DTWD2: variants seen among roughly 807,000 people sequenced by gnomAD.
DTWD2 encodes the protein DTW motif tRNA-uridine aminocarboxypropyltransferase 2.
Under a neutral mutation model 31.8 loss-of-function variants are expected in DTWD2, and 39 were observed. The ratio of observed to expected loss-of-function variants is 1.22; its 90% CI spans 0.95 to 1.60. DTWD2 has a LOEUF of 1.60. DTWD2 is among the 40% of genes most tolerant of loss of function. The pLI is 0.00. For missense variants in DTWD2, 515 were observed against 381.5 expected (o/e 1.35, Z -2.92); for synonymous variants, 180 against 142.8 (o/e 1.26, Z -1.86).
intron 1 of DTWD2, among the ~76,000 whole-genome samples, chr5:118,956,727 T>C (rs936594587): frequency 6.6e-6 from 1 of 152,174 alleles, no homozygotes; most frequent in Non-Finnish European, 1.5e-5. Flanking sequence ...CAAAAGCAAA[T>C]GTGGAACCCA....
rs1227198002 is a variant in DTWD2 at position 118,988,380 on chromosome 5, G to C, written c.132C>G (p.Gly44=). 7.6e-6 allele frequency: 12 copies of C among 1,583,158 alleles called. No homozygotes were observed. The highest frequency in any genetic ancestry group is 9.4e-6 in the Non-Finnish European group (11 of 1,167,412). The stretch of plus-strand genomic sequence containing the variant: ...CCGCACTGTCGTCGTCCGCCTCTGC[G>C]CCCAGGGCAGCCGCCGCCGGCACTG... The part of the protein sequence containing the change: ...GGAVPAAAAL[G]AEADDDSADG... The change falls in exon 1 of 6, where the codon GGC becomes GGG. Residue 44 remains glycine (G), a synonymous_variant. Coordinates refer to ENST00000510708, the MANE Select transcript of DTWD2 (RefSeq NM_173666.4).
intron 4 of DTWD2, among the ~76,000 whole-genome samples, chr5:118,916,854 T>C (rs151332049): frequency 3.6e-4 from 55 of 152,232 alleles, no homozygotes; most frequent in Non-Finnish European, 6.9e-4. Context: ...TCACTAACTC[T>C]AGTGTCGAGA....
chr5:118,919,348 C>A (rs576122967), intron 4 of DTWD2, among the ~76,000 whole-genome samples: 96 of 152,166 alleles, frequency 6.3e-4, no homozygotes, highest in Non-Finnish European at 1.9e-4. Context: ...GAGAAGAAAA[C>A]GGTCTCTAGG....
intron 1 of DTWD2, among the ~76,000 whole-genome samples, chr5:118,950,096 G>C (rs1754427312): frequency 6.6e-6 from 1 of 151,242 alleles, no homozygotes; most frequent in Non-Finnish European, 1.5e-5. Flanking sequence ...TGTCATCCCA[G>C]CTATTCAGGA....
chr5:118,846,877 T>C (rs981724197), intron 5 of DTWD2, among the ~76,000 whole-genome samples: 1 of 138,122 alleles, frequency 7.2e-6, no homozygotes, highest in African/African-American at 2.6e-5. Flanking sequence ...GCAGAGAAAG[T>C]GAAATTGCCT....
chr5:118,972,277 T>G (rs1755004558), intron 1 of DTWD2, among the ~76,000 whole-genome samples: 1 of 152,094 alleles, frequency 6.6e-6, no homozygotes, highest in South Asian at 2.1e-4. Context: ...CAATCAGAAA[T>G]GATAAGGGGG....
chr5:118,988,493 C>A lies in DTWD2; in HGVS notation c.19G>T (p.Ala7Ser), dbSNP rs190196130. The A allele has an allele frequency of 6.3e-6, 10 of 1,584,092 alleles. No homozygotes were observed. In the East Asian group the frequency reaches 2.4e-4, roughly 38 times the overall value. The change falls in exon 1 of 6, where the codon GCA (alanine) becomes TCA (serine). Residue 7 changes from alanine to serine, a missense_variant. By Grantham distance (99) the Ala-to-Ser change is moderately conservative (BLOSUM62 1). Transcript: ENST00000510708. MESQKE[A>S]RTLQEPVARP... The stretch of plus-strand genomic sequence containing the variant: ...GCAACGGGCTCCTGGAGTGTTCGTG[C>A]CTCTTTCTGCGACTCCATGGCGGAC...
chr5:118,968,926 A>T (rs923413873), intron 1 of DTWD2, among the ~76,000 whole-genome samples: 3 of 152,110 alleles, frequency 2.0e-5, no homozygotes, highest in Non-Finnish European at 4.4e-5. Context: ...GCCTGAAATG[A>T]ACCAAGTTCC....
rs1239337592 is a variant in DTWD2, at chr5:118,837,457, A to G, written c.*3460T>C. Reference sequence around the variant, plus strand: ...ATCTAATTTTTTACTTGTAGCATCAATAAAATTTACTTCTGAACCAATAAC... The same window carrying G: ...ATCTAATTTTTTACTTGTAGCATCAGTAAAATTTACTTCTGAACCAATAAC... On this transcript the variant is annotated 3_prime_UTR_variant, in exon 6 of 6. Transcript: ENST00000510708. 1 of 152,208 alleles carries G rather than the reference A, an allele frequency of 6.6e-6. No homozygotes were observed. Among genetic ancestry groups the G allele is most frequent in the Non-Finnish European group, 1.5e-5 (1 of 68,026 alleles). The allele number at this position is 152,208 out of a possible 1,614,324, so 9.4% of individuals were successfully genotyped here.
rs545293192 is a variant in DTWD2 at position 118,885,990 on chromosome 5, C to CA, written c.598-37773dup. ...CCTGTCTCAAAGAAACACACACACA[C>CA]AAAAAAACTTTCCTAATCACCACCT... On this transcript the variant is annotated intron_variant, in intron 4 of 5. Transcript: ENST00000510708. Among the ~76,000 whole-genome samples, 153 of 151,974 alleles carry CA rather than the reference C, an allele frequency of 1.0e-3. 4 individuals are homozygous for CA. The East Asian group carries it at 0.027, about 27-fold the overall frequency.
chr5:118,851,866 C>T (rs1752016502), intron 4 of DTWD2, among the ~76,000 whole-genome samples: 1 of 149,784 alleles, frequency 6.7e-6, no homozygotes, highest in African/African-American at 2.4e-5. Context: ...AAAAAGAAAA[C>T]AGGGTTCAAG....
At chr5:118,846,504 C>A (rs73236928) in intron 5 of DTWD2, among the ~76,000 whole-genome samples, 6,110 of 152,138 alleles carry the variant, frequency 0.04, 407 homozygotes, top group African/African-American at 0.14. Flanking sequence ...ATACTTTTCC[C>A]TCAAAATTTG....
chr5:118,868,288 T>C (rs991307708), intron 4 of DTWD2, among the ~76,000 whole-genome samples: 1 of 151,776 alleles, frequency 6.6e-6, no homozygotes, highest in African/African-American at 2.4e-5. Context: ...GACTAAACCA[T>C]AAGTGCTAAA....
At chr5:118,981,982 T>C (rs1755312324) in intron 1 of DTWD2, among the ~76,000 whole-genome samples, 1 of 152,198 alleles carries the variant, frequency 6.6e-6, no homozygotes, top group South Asian at 2.1e-4. Context: ...TTATGTGGTG[T>C]AGCAATAAAA....
At chr5:118,873,868 T>C (rs1159476332) in intron 4 of DTWD2, among the ~76,000 whole-genome samples, 1 of 152,070 alleles carries the variant, frequency 6.6e-6, no homozygotes, top group African/African-American at 2.4e-5. Flanking sequence ...GGAGGAGACT[T>C]TGCAACCCCT....
chr5:118,945,530 T>G (rs1156577395), intron 1 of DTWD2, among the ~76,000 whole-genome samples: 1 of 152,112 alleles, frequency 6.6e-6, no homozygotes, highest in African/African-American at 2.4e-5. Context: ...TTTGGGAGGC[T>G]GAGGTGGGCA....
In DTWD2 at chr5:118,836,194, T is replaced by C. The variant is rs933417684; in HGVS notation, c.*4723A>G. On this transcript the variant is annotated 3_prime_UTR_variant, in exon 6 of 6. Transcript: ENST00000510708. ...AAAACCTTACATTAAAAAGTTTCTT[T>C]TAAAAATAATTCTTACGTTGTTAGT... is the stretch of plus-strand genomic sequence containing the variant. Among the ~76,000 whole-genome samples the C allele has an allele frequency of 1.3e-5, 2 of 152,216 alleles. No homozygotes were observed. Among genetic ancestry groups the C allele is most frequent in the Non-Finnish European group, 2.9e-5 (2 of 68,024 alleles).
chr5:118,907,785 A>T (rs1390323144), intron 4 of DTWD2, among the ~76,000 whole-genome samples: 1 of 151,890 alleles, frequency 6.6e-6, no homozygotes, highest in Non-Finnish European at 1.5e-5. Context: ...GATGAAGTCC[A>T]AAGGCAGTCT....
At chr5:118,902,027 CA>C (rs1413670972) in intron 4 of DTWD2, among the ~76,000 whole-genome samples, 2 of 152,118 alleles carry the variant, frequency 1.3e-5, no homozygotes, top group Non-Finnish European at 2.9e-5. Context: ...GTATTTTGAA[CA>C]ATTTACCATT....
Sources: allele counts gnomAD v4.1 joint callset (sites outside exome capture counted in the v4.1 genomes callset), GRCh38; gene constraint gnomAD v4.1.1; transcripts MANE v1.5; gene names NCBI Gene and HGNC (gene_info 2026-07-23, HGNC 2026-07-21).